TBC1D5: variants seen among roughly 807,000 people sequenced by gnomAD.
TBC1D5 encodes the protein TBC1 domain family member 5, also known as TBC1 domain family, member 5.
In TBC1D5, 75 loss-of-function variants were observed where a neutral mutation model predicts 100.3. The ratio of observed to expected loss-of-function variants is 0.75; its 90% CI spans 0.62 to 0.91. The LOEUF (loss-of-function observed/expected upper bound fraction) is 0.91, where lower values mean the gene tolerates loss of function less well. Among genes scored for constraint, TBC1D5 ranks in the 40% least tolerant of loss-of-function variants. The pLI, the probability that TBC1D5 is intolerant of heterozygous loss-of-function variation, is 0.00. For missense variants in TBC1D5, 910 were observed against 942.4 expected (o/e 0.97, Z 0.45); for synonymous variants, 323 against 325.6 (o/e 0.99, Z 0.09).
intron 4 of TBC1D5, among the ~76,000 whole-genome samples, chr3:17,413,340 T>C (rs1223495498): frequency 1.3e-5 from 2 of 152,164 alleles, no homozygotes; most frequent in Admixed American, 6.6e-5. Context: ...TAGGCCATGA[T>C]TGATGCAATT....
chr3:17,401,657 T>C (rs190149870), intron 8 of TBC1D5, among the ~76,000 whole-genome samples: 10 of 152,106 alleles, frequency 6.6e-5, no homozygotes, highest in African/African-American at 2.4e-4. Context: ...ACCAGCGCTG[T>C]GGCCCCTTCA....
At chr3:17,466,882 T>C (rs2095309734) in intron 3 of TBC1D5, among the ~76,000 whole-genome samples, 1 of 152,078 alleles carries the variant, frequency 6.6e-6, no homozygotes, top group Non-Finnish European at 1.5e-5. Context: ...GGAAACTTTA[T>C]CACAATTAAA....
At chr3:17,533,413 A>C (rs964807887) in intron 2 of TBC1D5, among the ~76,000 whole-genome samples, 1 of 152,244 alleles carries the variant, frequency 6.6e-6, no homozygotes, top group Non-Finnish European at 1.5e-5. Flanking sequence ...AGTGTATGGC[A>C]TATCAAATCC....
intron 1 of TBC1D5, among the ~76,000 whole-genome samples, chr3:17,719,652 A>G (rs955131379): frequency 7.9e-5 from 12 of 152,320 alleles, no homozygotes; most frequent in Admixed American, 2.0e-4. Context: ...ACAAAAGTTT[A>G]AGTTTGACAT....
intron 8 of TBC1D5, among the ~76,000 whole-genome samples, chr3:17,398,069 C>T (rs941706514): frequency 2.0e-5 from 3 of 152,060 alleles, no homozygotes; most frequent in Non-Finnish European, 4.4e-5. Context: ...GATATTTTAT[C>T]GTGAACTCAC....
chr3:17,486,979 G>A (rs1344880434), intron 3 of TBC1D5, among the ~76,000 whole-genome samples: 1 of 152,160 alleles, frequency 6.6e-6, no homozygotes, highest in Non-Finnish European at 1.5e-5. Context: ...GCATATCCTA[G>A]TACTCTGTCA....
At chr3:17,613,301 T>C (rs1304745502) in intron 2 of TBC1D5, among the ~76,000 whole-genome samples, 1 of 152,226 alleles carries the variant, frequency 6.6e-6, no homozygotes, top group Non-Finnish European at 1.5e-5. Context: ...GACATTTGGG[T>C]TGGTTCCAAG....
At chr3:17,662,191 C>A (rs1382882161) in intron 1 of TBC1D5, among the ~76,000 whole-genome samples, 1 of 152,202 alleles carries the variant, frequency 6.6e-6, no homozygotes, top group Non-Finnish European at 1.5e-5. Flanking sequence ...CCACACCCAG[C>A]CCACTTTCTC....
intron 1 of TBC1D5, among the ~76,000 whole-genome samples, chr3:17,697,789 C>T (rs890866947): frequency 2.0e-5 from 3 of 151,740 alleles, no homozygotes; most frequent in Admixed American, 1.3e-4. Context: ...ACAGAACCCG[C>T]GTTGCCAAGA....
chr3:17,388,176 T>C (rs1326639008), intron 8 of TBC1D5, among the ~76,000 whole-genome samples: 1 of 152,096 alleles, frequency 6.6e-6, no homozygotes, highest in Non-Finnish European at 1.5e-5. Flanking sequence ...GTATTGATAA[T>C]ATAGAAGTTT....
intron 13 of TBC1D5, among the ~76,000 whole-genome samples, chr3:17,319,826 C>T (rs958254779): frequency 4.6e-5 from 7 of 152,210 alleles, no homozygotes; most frequent in African/African-American, 1.4e-4. Flanking sequence ...GCCAAGATTG[C>T]ACCACTGCAC....
chr3:17,480,426 G>A (rs1361281358), intron 3 of TBC1D5, among the ~76,000 whole-genome samples: 1 of 152,204 alleles, frequency 6.6e-6, no homozygotes, highest in Non-Finnish European at 1.5e-5. Context: ...ACAACTTATG[G>A]TGCTTTTTCC....
intron 2 of TBC1D5, among the ~76,000 whole-genome samples, chr3:17,615,865 CAT>C (rs1491375500): frequency 1.9e-3 from 283 of 152,106 alleles, no homozygotes; most frequent in Non-Finnish European, 3.2e-3. Flanking sequence ...TTTTTTGAAG[CAT>C]TTTTTGTGTC....
At chr3:17,465,689 C>CT (rs1321997441) in intron 3 of TBC1D5, among the ~76,000 whole-genome samples, 1 of 152,164 alleles carries the variant, frequency 6.6e-6, no homozygotes, top group African/African-American at 2.4e-5. Context: ...GTGATACTTC[C>CT]TGCTGTTGCA....
chr3:17,381,829 T>C (rs1399846614), intron 9 of TBC1D5, among the ~76,000 whole-genome samples: 1 of 152,090 alleles, frequency 6.6e-6, no homozygotes, highest in African/African-American at 2.4e-5. Context: ...TTTATATTTA[T>C]ATTTTTACAC....
chr3:17,457,394 A>G (rs892194733), intron 3 of TBC1D5, among the ~76,000 whole-genome samples: 4 of 151,974 alleles, frequency 2.6e-5, no homozygotes, highest in Non-Finnish European at 4.4e-5. Context: ...TTTGTGTTTC[A>G]GTCTGGGTGA....
intron 1 of TBC1D5, chr3:17,646,811 G>A (rs1168430557): frequency 6.6e-6 from 1 of 152,016 alleles, no homozygotes; most frequent in Non-Finnish European, 1.5e-5. Context: ...ATGGGTAAAT[G>A]TGCAGGTTTG....
At chr3:17,644,848 A>C (rs1433645970) in intron 1 of TBC1D5, among the ~76,000 whole-genome samples, 1 of 152,130 alleles carries the variant, frequency 6.6e-6, no homozygotes, top group African/African-American at 2.4e-5. Flanking sequence ...TACTGTCATG[A>C]TTAGTCCTGG....
At chr3:17,476,260 T>G (rs971815455) in intron 3 of TBC1D5, among the ~76,000 whole-genome samples, 1 of 151,978 alleles carries the variant, frequency 6.6e-6, no homozygotes, top group African/African-American at 2.4e-5. Context: ...TCTAAAAGTT[T>G]TATAGTTTTG....
Sources: gnomAD v4.1 joint callset for allele counts (sites outside exome capture counted in the v4.1 genomes callset) on GRCh38, gnomAD v4.1.1 for gene constraint, MANE v1.5 for transcripts, NCBI Gene and HGNC (gene_info 2026-07-23, HGNC 2026-07-21) for gene names.